Variants in LIMCH1 observed in about 807,000 individuals in gnomAD.
LIMCH1 encodes LIM and calponin homology domains-containing protein 1.
Under a neutral mutation model 176.5 loss-of-function variants are expected in LIMCH1, and 113 were observed. The observed-to-expected ratio is 0.64, with a 90% CI of 0.55 to 0.75. The LOEUF is 0.75. Among genes scored for constraint, LIMCH1 ranks in the 30% least tolerant of loss-of-function variants. The pLI, the probability that LIMCH1 is intolerant of heterozygous loss-of-function variation, is 0.00. For missense variants in LIMCH1, 1,674 were observed against 1,814.9 expected (o/e 0.92, Z 1.41); for synonymous variants, 619 against 645.9 (o/e 0.96, Z 0.63).
Position 41,619,404 on chromosome 4 carries a change from C to T in LIMCH1, c.422C>T (p.Thr141Ile). The change falls in exon 6 of 32, where the codon ACC (threonine) becomes ATC (isoleucine). Residue 141 changes from threonine to isoleucine, a missense_variant. Physicochemically the swap from Thr to Ile is moderately conservative, Grantham distance 89. Transcript: ENST00000503057. Reference sequence around the variant, plus strand: ...GAGGAATACCGCAAGAGCTGGAGTACCGCCACCTCCCCGCTGGGTGGGGAG... The same window carrying T: ...GAGGAATACCGCAAGAGCTGGAGTATCGCCACCTCCCCGCTGGGTGGGGAG... ...EREEYRKSWS[T>I]ATSPLGGERP... 1 of 1,612,408 alleles carries T rather than the reference C, an allele frequency of 6.2e-7. No individual in the cohort carries two copies. Among genetic ancestry groups the T allele is most frequent in the Non-Finnish European group, 8.5e-7 (1 of 1,180,010 alleles).
intron 13 of LIMCH1, among the ~76,000 whole-genome samples, chr4:41,635,966 G>T (rs148050599): frequency 5.6e-4 from 85 of 152,238 alleles, no homozygotes; most frequent in African/African-American, 1.6e-3. Context: ...ACCCAAGCTA[G>T]TGTGATCATA....
intron 1 of LIMCH1, among the ~76,000 whole-genome samples, chr4:41,427,048 G>A (rs1424079900): frequency 6.6e-6 from 1 of 152,190 alleles, no homozygotes; most frequent in African/African-American, 2.4e-5. Context: ...TACAATTCAT[G>A]TTGGGTCAAT....
chr4:41,509,697 G>A (rs1219518371), intron 2 of LIMCH1, among the ~76,000 whole-genome samples: 2 of 152,190 alleles, frequency 1.3e-5, no homozygotes, highest in South Asian at 2.1e-4. Context: ...ATCCCCAACA[G>A]GCTTCTGTTA....
At chr4:41,539,345 C>T (rs568050180) in intron 1 of LIMCH1, among the ~76,000 whole-genome samples, 33 of 152,228 alleles carry the variant, frequency 2.2e-4, no homozygotes, top group African/African-American at 5.8e-4. Flanking sequence ...CTGTGCTGCG[C>T]GGGTGGGTTC....
chr4:41,534,285 A>G (rs1244282105), upstream of LIMCH1, among the ~76,000 whole-genome samples: 1 of 152,222 alleles, frequency 6.6e-6, no homozygotes, highest in Non-Finnish European at 1.5e-5. Context: ...ATTATAGCTC[A>G]TTTAAAAAAG....
At chr4:41,572,413 T>C (rs897937858) in intron 1 of LIMCH1, among the ~76,000 whole-genome samples, 2 of 132,956 alleles carry the variant, frequency 1.5e-5, no homozygotes, top group Non-Finnish European at 2.9e-5. Context: ...ACAATACTAG[T>C]TTTTTTTACT....
In LIMCH1 at chr4:41,367,898, C is replaced by T. The variant is rs995156404; in HGVS notation, c.96+6962C>T. Among the ~76,000 whole-genome samples, 3 of 148,600 alleles carry T rather than the reference C, an allele frequency of 2.0e-5. No homozygotes were observed. In the South Asian group the frequency reaches 6.4e-4, roughly 32 times the overall value. On this transcript the variant is annotated intron_variant, in intron 1 of 26. Transcript: ENST00000313860. Reference sequence around the variant, plus strand: ...AAAAAAAAAAAAAAGAAATCAAGGTCAAGAACAGAAGGACTTGTAGCTTTT... The same window carrying T: ...AAAAAAAAAAAAAAGAAATCAAGGTTAAGAACAGAAGGACTTGTAGCTTTT...
rs1469127147 is a variant in LIMCH1, at chr4:41,626,951, A to T, written c.969A>T (p.Ser323=). Residue 323 remains serine, a synonymous_variant, in exon 8 of 32, where the codon TCA becomes TCT. Transcript: ENST00000503057. The stretch of plus-strand genomic sequence containing the variant: ...ATCCAAAGAAAGGGGCAGAGAAATC[A>T]GATGGCAGCAAACAGCTCTCAAAGG... The part of the protein sequence containing the change: ...GPYPKKGAEK[S]DGSKQLSKGI... The T allele has an allele frequency of 6.5e-7, 1 of 1,536,168 alleles. No homozygotes were observed. Among genetic ancestry groups the T allele is most frequent in the Non-Finnish European group, 8.7e-7 (1 of 1,146,920 alleles).
At chr4:41,593,271 A>G (rs2088008855) in intron 1 of LIMCH1, among the ~76,000 whole-genome samples, 1 of 152,252 alleles carries the variant, frequency 6.6e-6, no homozygotes, top group Admixed American at 6.5e-5. Flanking sequence ...AATGTATGGA[A>G]GTTACATAAA....
intron 1 of LIMCH1, among the ~76,000 whole-genome samples, chr4:41,563,299 A>T (rs75328738): frequency 0.057 from 8,635 of 152,236 alleles, 439 homozygotes; most frequent in African/African-American, 0.14. Flanking sequence ...CCTGCAGTGT[A>T]TGCACACACA....
chr4:41,535,677 T>C (rs1487612394), upstream of LIMCH1, among the ~76,000 whole-genome samples: 3 of 152,276 alleles, frequency 2.0e-5, no homozygotes. Context: ...ACAATTTAGC[T>C]CGTAACAGTG....
chr4:41,360,853 G>A lies in LIMCH1; in HGVS notation c.13G>A (p.Ala5Thr), dbSNP rs922602784. 1.9e-6 allele frequency: 3 copies of A among 1,563,666 alleles called. No homozygotes were observed. The highest frequency in any genetic ancestry group is 2.6e-6 in the Non-Finnish European group (3 of 1,157,088). The change falls in exon 1 of 27, where the codon GCT becomes ACT. Residue 5 changes from alanine to threonine, a missense_variant. Transcript: ENST00000313860. The surrounding 1 kb of genome is among the most constrained non-coding windows in gnomAD (Gnocchi z 4.5). The stretch of plus-strand genomic sequence containing the variant: ...CGGGGCTGCGCAAATGGCTTGTCCC[G>A]CTCTCGGTCTGGAAGCTCTTCAGCC...
At chr4:41,397,601 T>G (rs960710473) in intron 1 of LIMCH1, among the ~76,000 whole-genome samples, 2 of 152,000 alleles carry the variant, frequency 1.3e-5, no homozygotes, top group African/African-American at 4.8e-5. Flanking sequence ...AAAAGCAGTA[T>G]GAAAATTTTG....
At chr4:41,627,889 G>GTATATAATTA (rs2093069466) in intron 8 of LIMCH1, among the ~76,000 whole-genome samples, 1 of 152,188 alleles carries the variant, frequency 6.6e-6, no homozygotes, top group South Asian at 2.1e-4. Flanking sequence ...GTTGAACTTA[G>GTATATAATTA]TATATAATTA....
At chr4:41,651,002 A>ATTT (rs1354816226) in intron 18 of LIMCH1, among the ~76,000 whole-genome samples, 9 of 150,894 alleles carry the variant, frequency 6.0e-5, no homozygotes, top group African/African-American at 2.0e-4. Context: ...TCCCTATTTT[A>ATTT]TTTTATTTTA....
intron 2 of LIMCH1, among the ~76,000 whole-genome samples, chr4:41,499,670 T>C (rs2072881123): frequency 6.6e-6 from 1 of 152,090 alleles, no homozygotes; most frequent in African/African-American, 2.4e-5. Flanking sequence ...ATACAAAAAT[T>C]AGCTGGGCGT....
chr4:41,591,625 A>G (rs1359133252), intron 1 of LIMCH1, among the ~76,000 whole-genome samples: 1 of 152,108 alleles, frequency 6.6e-6, no homozygotes, highest in African/African-American at 2.4e-5. Context: ...TCTAGTTTAC[A>G]TTTTAATATT....
chr4:41,464,463 G>T (rs1027109517), intron 1 of LIMCH1, among the ~76,000 whole-genome samples: 1 of 148,002 alleles, frequency 6.8e-6, no homozygotes, highest in Non-Finnish European at 1.5e-5. Context: ...TGCAATCTCC[G>T]CCTCCCAGGT....
intron 1 of LIMCH1, among the ~76,000 whole-genome samples, chr4:41,464,642 G>A (rs567641015): frequency 6.6e-6 from 1 of 152,170 alleles, no homozygotes; most frequent in South Asian, 2.1e-4. Flanking sequence ...CCAAAGTGCT[G>A]GGGTTACAGG....
Sources: gnomAD v4.1 joint callset for allele counts (sites outside exome capture counted in the v4.1 genomes callset) on GRCh38, gnomAD v4.1.1 for gene constraint, Gnocchi (gnomAD v3.1) non-coding constraint, MANE v1.5 for transcripts, NCBI Gene and HGNC (gene_info 2026-07-23, HGNC 2026-07-21) for gene names.